TAF2: variants seen among roughly 807,000 people sequenced by gnomAD.
TAF2 encodes transcription initiation factor TFIID subunit 2.
A neutral mutation model predicts 138.5 loss-of-function variants in TAF2; 61 were observed. That is an observed-to-expected ratio of 0.44 (90% confidence interval 0.36 to 0.54). TAF2 has a LOEUF of 0.54. TAF2 is among the 20% of genes least tolerant of loss of function. The pLI is 0.00. For missense variants in TAF2, 1,090 were observed against 1,427.9 expected (o/e 0.76, Z 3.81); for synonymous variants, 475 against 469.9 (o/e 1.01, Z -0.14).
intron 11 of TAF2, among the ~76,000 whole-genome samples, chr8:119,790,929 T>A (rs1823381989): frequency 6.6e-6 from 1 of 151,970 alleles, no homozygotes; most frequent in Non-Finnish European, 1.5e-5. Flanking sequence ...CCCAAGAAGG[T>A]GGGACTACAG....
rs189439793 is a variant in TAF2, at chr8:119,806,214, T to A, written c.418+69A>T. 6.2e-6 allele frequency: 8 copies of A among 1,300,642 alleles called. No homozygotes were observed. The African/African-American group carries it at 1.0e-4, about 17-fold the overall frequency. 80.6% of individuals were successfully genotyped at this position (1,300,642 alleles called of 1,614,324 possible). On this transcript the variant is annotated intron_variant, in intron 4 of 25. Coordinates refer to ENST00000378164, the MANE Select transcript of TAF2 (RefSeq NM_003184.4). ...ACAGTGCCTGCATCATTAGTTCTCA[T>A]GTAAAATTCTCTAGTGTCTGAATCT...
chr8:119,824,539 G>C lies in TAF2; in HGVS notation c.139-5033C>G, dbSNP rs1825981033. 2.0e-5 allele frequency among the ~76,000 whole-genome samples: 3 copies of C among 152,202 alleles called. No homozygotes were observed. In the South Asian group the frequency reaches 6.2e-4, roughly 31 times the overall value. On this transcript the variant is annotated intron_variant, in intron 2 of 25. Coordinates refer to ENST00000378164, the MANE Select transcript of TAF2 (RefSeq NM_003184.4). ...GCTGAATGTTAATCCCCAAGAAAAT[G>C]GGGAAAATGATGTCTCCAGGGCATG...
intron 11 of TAF2, 138 bp from the exon 12 acceptor site, chr8:119,789,884 AAAG>A (rs1159553525): frequency 5.9e-6 from 5 of 847,212 alleles, no homozygotes; most frequent in Non-Finnish European, 9.1e-6. Context: ...AGATTATTCT[AAAG>A]ACTACTAGCA....
In TAF2 at chr8:119,783,449, T is replaced by G. The variant is rs761106540; in HGVS notation, c.2044A>C (p.Thr682Pro). The change falls in exon 16 of 26, where the codon ACT becomes CCT. Residue 682 changes from threonine to proline, a missense_variant. This residue lies in a region of TAF2 where 580 missense variants were observed against 719.6 expected (regional missense o/e 0.81). Transcript: ENST00000378164. ...CACTGCTCTTGTTCTAATATATCAGTGAGTGCAAGCCGAGATGCTGGAGTA... is the reference window on the plus strand; with the variant it reads ...CACTGCTCTTGTTCTAATATATCAGGGAGTGCAAGCCGAGATGCTGGAGTA... ...FPTPASRLALTDILEQEQCFY... is the reference protein window; with the variant it reads ...FPTPASRLALPDILEQEQCFY... 1 of 1,614,028 alleles carries G rather than the reference T, an allele frequency of 6.2e-7. No homozygotes were observed. The highest frequency in any genetic ancestry group is 1.3e-5 in the African/African-American group (1 of 74,914).
At position 119,832,756 on chromosome 8, in the gene TAF2, C is replaced by A; in HGVS notation, c.-192G>T. 2.0e-6 allele frequency: 1 copy of A among 507,796 alleles called. No homozygotes were observed. The highest frequency in any genetic ancestry group is 3.1e-5 in the South Asian group (1 of 31,928). The allele number at this position is 507,796 out of a possible 1,614,324, so 31.5% of individuals were successfully genotyped here. On this transcript the variant is annotated 5_prime_UTR_variant, in exon 1 of 26. Coordinates refer to ENST00000378164, the MANE Select transcript of TAF2 (RefSeq NM_003184.4). ...GCTCCTTCGACTAGCTCCTAGAAGC[C>A]GCCGTCGACAAGCTTCTGTCACAGA...
At chr8:119,745,397 C>CT (rs1267989678) in intron 23 of TAF2, among the ~76,000 whole-genome samples, 7 of 150,266 alleles carry the variant, frequency 4.7e-5, no homozygotes, top group East Asian at 1.9e-4. Context: ...TAATGAGACT[C>CT]TTTTTTTTCT....
intron 10 of TAF2, among the ~76,000 whole-genome samples, chr8:119,792,042 A>C (rs1823467711): frequency 2.0e-5 from 3 of 152,194 alleles, no homozygotes; most frequent in Non-Finnish European, 2.9e-5. Context: ...ATGAACATTT[A>C]ATTTGTTTAC....
At chr8:119,792,232 C>T (rs979112004) in intron 10 of TAF2, among the ~76,000 whole-genome samples, 4 of 151,072 alleles carry the variant, frequency 2.6e-5, no homozygotes, top group South Asian at 2.1e-4. Flanking sequence ...TGGCTCACTG[C>T]AACCTCCACC....
intron 4 of TAF2, among the ~76,000 whole-genome samples, chr8:119,804,619 C>T (rs1474733058): frequency 6.6e-6 from 1 of 152,188 alleles, no homozygotes; most frequent in East Asian, 1.9e-4. Context: ...ATGACTTGCT[C>T]TTCCTTGCCT....
chr8:119,797,139 A>G, intron 7 of TAF2, 36 bp from the exon 8 acceptor site: 1 of 1,373,596 alleles, frequency 7.3e-7, no homozygotes, highest in Non-Finnish European at 1.0e-6. Flanking sequence ...CATTATAACC[A>G]AGAAATAAAT....
At chr8:119,817,003 C>T in intron 3 of TAF2, among the ~76,000 whole-genome samples, 1 of 152,180 alleles carries the variant, frequency 6.6e-6, no homozygotes, top group East Asian at 1.9e-4. Context: ...AATCACCTCT[C>T]TTAAAGAGTA....
intron 10 of TAF2, among the ~76,000 whole-genome samples, chr8:119,793,031 A>C (rs1823550298): frequency 6.6e-6 from 1 of 152,134 alleles, no homozygotes; most frequent in Non-Finnish European, 1.5e-5. Flanking sequence ...CATATTGGTT[A>C]AGGCAGGAGG....
chr8:119,814,340 C>G (rs1825298718), intron 3 of TAF2, among the ~76,000 whole-genome samples: 1 of 151,292 alleles, frequency 6.6e-6, no homozygotes, highest in Non-Finnish European at 1.5e-5. Context: ...ATTACTTAAC[C>G]ATAATCAATA....
chr8:119,796,952 A>T, intron 8 of TAF2, 38 bp downstream of exon 8: 2 of 1,405,540 alleles, frequency 1.4e-6, no homozygotes, highest in Non-Finnish European at 1.0e-6. Flanking sequence ...AATAAACTTG[A>T]TTCTCTTCTC....
chr8:119,791,418 G>A lies in TAF2; in HGVS notation c.1319C>T (p.Thr440Ile), dbSNP rs746962256. 7 of 1,613,560 alleles carry A rather than the reference G, an allele frequency of 4.3e-6. No homozygotes were observed. The highest frequency in any genetic ancestry group is 5.9e-6 in the Non-Finnish European group (7 of 1,179,816). ...HLHFSIKHPHTLSWEYYSMFQ... is the reference protein window; with the variant it reads ...HLHFSIKHPHILSWEYYSMFQ... Reference sequence around the variant, plus strand: ...CATACTGTAGTATTCCCAGGACAGTGTATGTGGATGCTTTATTGAAAAGTG... The same window carrying A: ...CATACTGTAGTATTCCCAGGACAGTATATGTGGATGCTTTATTGAAAAGTG... The change falls in exon 11 of 26, where the codon ACA (threonine) becomes ATA (isoleucine). Residue 440 changes from threonine to isoleucine, a missense_variant. By Grantham distance (89) the Thr-to-Ile change is moderately conservative. Transcript: ENST00000378164.
intron 2 of TAF2, among the ~76,000 whole-genome samples, chr8:119,822,248 G>A (rs116298103): frequency 6.6e-6 from 1 of 150,666 alleles, no homozygotes. Context: ...CAGAGACAGG[G>A]TATTGCTCTG....
chr8:119,824,862 G>A (rs62526606), intron 2 of TAF2, among the ~76,000 whole-genome samples: 10,121 of 152,330 alleles, frequency 0.066, 415 homozygotes, highest in Middle Eastern at 0.14. Context: ...GTATGGAAAT[G>A]CCTGGATGCC....
intron 15 of TAF2, among the ~76,000 whole-genome samples, chr8:119,784,229 G>C (rs982869191): frequency 6.6e-6 from 1 of 152,152 alleles, no homozygotes; most frequent in Non-Finnish European, 1.5e-5. Context: ...ACTTACTACA[G>C]GCAGGGTACT....
chr8:119,832,023 G>T (rs1011753451), intron 1 of TAF2, among the ~76,000 whole-genome samples: 2 of 152,106 alleles, frequency 1.3e-5, no homozygotes, highest in African/African-American at 4.8e-5. Flanking sequence ...GCCGGGCATC[G>T]TGGCACACGC....
Sources: gnomAD v4.1 joint callset for allele counts (sites outside exome capture counted in the v4.1 genomes callset) on GRCh38, gnomAD v4.1.1 for gene constraint, gnomAD v4.1.1 regional missense constraint, MANE v1.5 for transcripts, NCBI Gene and HGNC (gene_info 2026-07-23, HGNC 2026-07-21) for gene names.